Variants in ZC3H12B observed in about 807,000 individuals in gnomAD.
ZC3H12B encodes the protein zinc finger CCCH-type containing 12B, also known as probable ribonuclease ZC3H12B.
In ZC3H12B, 7 loss-of-function variants were observed where a neutral mutation model predicts 43.9. That is an observed-to-expected ratio of 0.16 (90% CI 0.09 to 0.30). The LOEUF (loss-of-function observed/expected upper bound fraction) is 0.30. ZC3H12B is among the 10% of genes least tolerant of loss of function. ZC3H12B has a pLI of 1.00. For synonymous variants in ZC3H12B, 222 were observed against 241.7 expected, an observed-to-expected ratio of 0.92 and a Z score of 0.76; for missense variants, 475 against 670.2, an observed-to-expected ratio of 0.71 and a Z score of 3.22.
chrX:65,235,658 C>A, the ZC3H12B span, among the ~76,000 whole-genome samples: 3 of 111,361 alleles, frequency 2.7e-5, no homozygotes, highest in Non-Finnish European at 3.8e-5. Context: ...CAGATTCCAA[C>A]TTGGGCGCCT....
At chrX:65,413,003 G>T (rs2066921871) in intron 3 of ZC3H12B, among the ~76,000 whole-genome samples, 1 of 110,592 alleles carries the variant, frequency 9.0e-6, no homozygotes, top group African/African-American at 3.3e-5. Flanking sequence ...GAGTGAAGTT[G>T]TACTCTATTG....
the ZC3H12B span, among the ~76,000 whole-genome samples, chrX:65,318,496 T>A: frequency 9.2e-6 from 1 of 108,520 alleles, no homozygotes; most frequent in Non-Finnish European, 1.9e-5. Context: ...CTCAGCCCAC[T>A]GCAACCTCTG....
At chrX:65,256,877 G>A in the ZC3H12B span, among the ~76,000 whole-genome samples, 1 of 112,284 alleles carries the variant, frequency 8.9e-6, no homozygotes, top group African/African-American at 3.2e-5. Context: ...GGCCATCAGA[G>A]AAATGCAAAT....
the ZC3H12B span, among the ~76,000 whole-genome samples, chrX:65,132,949 C>CT: frequency 9.0e-6 from 1 of 111,434 alleles, no homozygotes; most frequent in East Asian, 2.8e-4. Flanking sequence ...GAGCCTTGGG[C>CT]CAGAGTTCCA....
At chrX:65,414,901 G>A (rs1312490653) in intron 3 of ZC3H12B, among the ~76,000 whole-genome samples, 2 of 112,169 alleles carry the variant, frequency 1.8e-5, no homozygotes, top group African/African-American at 3.2e-5. Flanking sequence ...CTCGTAAAAT[G>A]TTTGAAGAGA....
chrX:65,156,419 C>G, the ZC3H12B span, among the ~76,000 whole-genome samples: 3 of 111,694 alleles, frequency 2.7e-5, no homozygotes, highest in African/African-American at 9.8e-5. Context: ...CTTGCTCCAT[C>G]GCCCATGCTG....
chrX:65,233,762 T>C, the ZC3H12B span, among the ~76,000 whole-genome samples: 1 of 109,775 alleles, frequency 9.1e-6, no homozygotes, highest in Non-Finnish European at 1.9e-5. Context: ...TAAAGGAAAT[T>C]GAGACAAAAA....
the ZC3H12B span, among the ~76,000 whole-genome samples, chrX:65,234,027 A>G: frequency 1.8e-5 from 2 of 111,500 alleles, no homozygotes; most frequent in Non-Finnish European, 3.8e-5. Flanking sequence ...CAAGTACAGT[A>G]TTACCCTGAT....
At chrX:65,066,823 C>G in the ZC3H12B span, among the ~76,000 whole-genome samples, 3 of 112,039 alleles carry the variant, frequency 2.7e-5, no homozygotes, top group Non-Finnish European at 3.8e-5. Flanking sequence ...GCCTTTCTTT[C>G]AGAGATGACT....
the ZC3H12B span, among the ~76,000 whole-genome samples, chrX:65,313,216 G>A: frequency 2.7e-5 from 3 of 111,706 alleles, no homozygotes; most frequent in East Asian, 2.8e-4. Flanking sequence ...TTTGAGGGGG[G>A]CACAAACATT....
chrX:65,055,438 A>G, the ZC3H12B span, among the ~76,000 whole-genome samples: 1 of 111,866 alleles, frequency 8.9e-6, no homozygotes, highest in Admixed American at 9.5e-5. Flanking sequence ...GATGAAGCCC[A>G]CTTGATCATG....
intron 2 of ZC3H12B, among the ~76,000 whole-genome samples, chrX:65,382,316 G>A (rs1252096854): frequency 1.5e-4 from 17 of 109,903 alleles, no homozygotes; most frequent in Non-Finnish European, 3.2e-4. Context: ...ATCAATAAAT[G>A]TAATCCAGCA....
At chrX:65,266,332 G>A in the ZC3H12B span, among the ~76,000 whole-genome samples, 4 of 111,208 alleles carry the variant, frequency 3.6e-5, no homozygotes, top group African/African-American at 6.5e-5. Flanking sequence ...AGTCTTAATT[G>A]TAGTACCAAA....
At chrX:65,348,594 C>G in the ZC3H12B span, among the ~76,000 whole-genome samples, 4 of 109,467 alleles carry the variant, frequency 3.7e-5, no homozygotes, top group Non-Finnish European at 7.6e-5. Context: ...CAAGACCCAT[C>G]AGTGTCCTGT....
At chrX:65,127,798 T>C in the ZC3H12B span, among the ~76,000 whole-genome samples, 1 of 110,711 alleles carries the variant, frequency 9.0e-6, no homozygotes, top group Non-Finnish European at 1.9e-5. Flanking sequence ...TGTCAGGAAG[T>C]AGGGGAAAGC....
chrX:65,480,307 G>GA (rs1050234533), intron 3 of ZC3H12B, among the ~76,000 whole-genome samples: 5 of 111,887 alleles, frequency 4.5e-5, no homozygotes, highest in Non-Finnish European at 9.4e-5. Flanking sequence ...TCTACTGTGG[G>GA]AAAAAAAGTG....
At chrX:65,386,280 C>G (rs2066524161) in intron 2 of ZC3H12B, among the ~76,000 whole-genome samples, 1 of 111,487 alleles carries the variant, frequency 9.0e-6, no homozygotes, top group African/African-American at 3.3e-5. Flanking sequence ...TGTTCCTGGA[C>G]TTTTTTTGGT....
At chrX:65,386,084 AG>A (rs2066520717) in intron 2 of ZC3H12B, among the ~76,000 whole-genome samples, 1 of 112,168 alleles carries the variant, frequency 8.9e-6, no homozygotes, top group Admixed American at 9.4e-5. Flanking sequence ...GATATTCATC[AG>A]GGGTATTGGT....
chrX:65,312,793 G>A, the ZC3H12B span, among the ~76,000 whole-genome samples: 3 of 111,808 alleles, frequency 2.7e-5, no homozygotes, highest in Non-Finnish European at 3.8e-5. Context: ...CTATTTGTAA[G>A]GACACTTATC....
Sources: gnomAD v4.1 joint callset for allele counts (sites outside exome capture counted in the v4.1 genomes callset) on GRCh38, gnomAD v4.1.1 for gene constraint, MANE v1.5 for transcripts, NCBI Gene and HGNC (gene_info 2026-07-23, HGNC 2026-07-21) for gene names.